Variants in IQCN observed in about 807,000 individuals in gnomAD.
IQCN encodes the protein IQ motif containing N.
A neutral mutation model predicts 64.4 loss-of-function variants in IQCN; 46 were observed. The observed-to-expected ratio is 0.71, with a 90% CI of 0.56 to 0.91. The LOEUF (loss-of-function observed/expected upper bound fraction) is 0.91. Ranked by LOEUF, IQCN falls within the 40% of genes least tolerant of loss-of-function variation. The pLI, the probability that IQCN is intolerant of heterozygous loss-of-function variation, is 0.00. For missense variants in IQCN, 1,753 were observed against 1,857.4 expected, an observed-to-expected ratio of 0.94 and a Z score of 1.03; for synonymous variants, 733 against 775.6, an observed-to-expected ratio of 0.95 and a Z score of 0.91.
intron 3 of IQCN, chr19:18,260,520 G>T (rs901790241): frequency 6.6e-6 from 1 of 152,530 alleles, no homozygotes; most frequent in African/African-American, 2.4e-5. Context: ...CCTAGTGTCC[G>T]GGGGTGACTG....
intron 3 of IQCN, chr19:18,260,115 TGA>T (rs1019965138): frequency 6.6e-6 from 1 of 152,496 alleles, no homozygotes; most frequent in Non-Finnish European, 1.5e-5. Context: ...CTCATCAGCA[TGA>T]GAGAGATTTG....
Position 18,257,337 on chromosome 19 carries a change from A to G in IQCN, c.3947T>C (p.Ile1316Thr). Residue 1316 changes from isoleucine to threonine, a missense_variant, in exon 4 of 4, where the codon ATC (isoleucine) becomes ACC (threonine). Ile to Thr is a moderately conservative substitution (Grantham distance 89, BLOSUM62 -1). Transcript: ENST00000392413. Reference sequence around the variant, plus strand: ...TTGCTGCTGCCTCATCTGCTGGCGGATCTTAAAGCCCCTCCAGGCGGACTG... The same window carrying G: ...TTGCTGCTGCCTCATCTGCTGGCGGGTCTTAAAGCCCCTCCAGGCGGACTG... The part of the protein sequence containing the change: ...AIQSAWRGFK[I>T]RQQMRQQQMA... 6.2e-7 allele frequency: 1 copy of G among 1,613,092 alleles called. No individual in the cohort carries two copies. The highest frequency in any genetic ancestry group is 1.1e-5 in the South Asian group (1 of 91,068).
At position 18,266,161 on chromosome 19, in the gene IQCN, A is replaced by C; in HGVS notation, c.1379T>G (p.Val460Gly). 6.2e-7 allele frequency: 1 copy of C among 1,613,914 alleles called. No individual in the cohort carries two copies. The highest frequency in any genetic ancestry group is 8.5e-7 in the Non-Finnish European group (1 of 1,179,992). ...CAATGGGTTTTTGGCTGGGGTGGTGACCGGGTGCATCTGGGGTGGGGTCTT... is the reference window on the plus strand; with the variant it reads ...CAATGGGTTTTTGGCTGGGGTGGTGCCCGGGTGCATCTGGGGTGGGGTCTT... ...MAKTPPQMHPVTTPAKNPLQT... is the reference protein window; with the variant it reads ...MAKTPPQMHPGTTPAKNPLQT... Residue 460 changes from valine (V) to glycine (G), a missense_variant, in exon 3 of 4, where the codon GTC (valine) becomes GGC (glycine). By Grantham distance (109) the Val-to-Gly change is moderately radical (BLOSUM62 -3). Coordinates refer to ENST00000392413, the MANE Select transcript of IQCN (RefSeq NM_001145304.2). The surrounding 1 kb of genome is among the most constrained non-coding windows in gnomAD (Gnocchi z 4.3).
chr19:18,270,900 A>C (rs1199548776), intron 1 of IQCN, among the ~76,000 whole-genome samples: 1 of 149,394 alleles, frequency 6.7e-6, no homozygotes, highest in South Asian at 2.3e-4. Context: ...GAGGCCAGGC[A>C]TGGTGGCTCA....
rs775482181 is a variant in IQCN at position 18,267,353 on chromosome 19, C to G, written c.187G>C (p.Glu63Gln). Residue 63 changes from glutamate (E) to glutamine (Q), a missense_variant, in exon 3 of 4, where the codon GAG (glutamate) becomes CAG (glutamine). Coordinates refer to ENST00000392413, the MANE Select transcript of IQCN (RefSeq NM_001145304.2). ...TCGGCAGGCTGTTGCGGAAGATGCTCCTTGGACTTGAGGCCCTCGTGCTGG... is the reference window on the plus strand; with the variant it reads ...TCGGCAGGCTGTTGCGGAAGATGCTGCTTGGACTTGAGGCCCTCGTGCTGG... The part of the protein sequence containing the change: ...QPQHEGLKSK[E>Q]HLPQQPAEGK... 2.5e-6 allele frequency: 4 copies of G among 1,613,746 alleles called. No homozygotes were observed. In the South Asian group the frequency reaches 4.4e-5, roughly 18 times the overall value.
Position 18,265,538 on chromosome 19 carries a change from T to A in IQCN, c.2002A>T (p.Asn668Tyr), listed in dbSNP as rs1969543877. The change falls in exon 3 of 4, where the codon AAT becomes TAT. Residue 668 changes from asparagine (N) to tyrosine (Y), a missense_variant. Transcript: ENST00000392413. The surrounding 1 kb of genome is among the most constrained non-coding windows in gnomAD (Gnocchi z 4.7). ...GGTGGATGTCTCTGGGATGAGGCAT[T>A]GGTCAGTGGGGCAGCCAGCTGTCCC... ...PRGQLAAPLT[N>Y]ASSQRHPPCL... The A allele has an allele frequency of 6.2e-7, 1 of 1,611,854 alleles. No homozygotes were observed. The highest frequency in any genetic ancestry group is 1.1e-5 in the South Asian group (1 of 90,998).
chr19:18,259,476 C>T (rs1360509163), intron 3 of IQCN: 1 of 152,272 alleles, frequency 6.6e-6, no homozygotes, highest in Non-Finnish European at 1.5e-5. Flanking sequence ...GGGAGCCACC[C>T]AACTGGACAC....
chr19:18,266,620 G>C lies in IQCN; in HGVS notation c.920C>G (p.Thr307Arg). Residue 307 changes from threonine (T) to arginine (R), a missense_variant, in exon 3 of 4, where the codon ACG (threonine) becomes AGG (arginine). Coordinates refer to ENST00000392413, the MANE Select transcript of IQCN (RefSeq NM_001145304.2). This position sits in a 1 kb window ranked among gnomAD's most constrained non-coding sequence, Gnocchi z 4.3. ...PLSRRYDQAV[T>R]RPSRAQTQGP... ...CTGGGTTTGGGCTCTGGATGGTCTCGTAACTGCCTGGTCATACCTTCTGGA... is the reference window on the plus strand; with the variant it reads ...CTGGGTTTGGGCTCTGGATGGTCTCCTAACTGCCTGGTCATACCTTCTGGA... 6.2e-7 allele frequency: 1 copy of C among 1,614,034 alleles called. No individual in the cohort carries two copies. Among genetic ancestry groups the C allele is most frequent in the Non-Finnish European group, 8.5e-7 (1 of 1,179,948 alleles).
intron 2 of IQCN, among the ~76,000 whole-genome samples, chr19:18,268,680 T>C (rs1969662301): frequency 6.6e-6 from 1 of 151,538 alleles, no homozygotes; most frequent in African/African-American, 2.4e-5. Flanking sequence ...TACAGAAAAG[T>C]AGGCCAGGCA....
At chr19:18,269,902 G>A (rs1969698619) in intron 1 of IQCN, among the ~76,000 whole-genome samples, 1 of 151,850 alleles carries the variant, frequency 6.6e-6, no homozygotes, top group Non-Finnish European at 1.5e-5. Flanking sequence ...ATCATACAAG[G>A]GCATGATATC....
chr19:18,267,550 C>T (rs772737816), intron 2 of IQCN, 24 bp from the exon 3 acceptor site: 125 of 1,503,640 alleles, frequency 8.3e-5, no homozygotes, highest in Admixed American at 6.0e-4. Flanking sequence ...AGGGGGTGGT[C>T]AGGGTGTAGC....
At position 18,257,308 on chromosome 19, in the gene IQCN, C is replaced by A. The variant is rs753892078; in HGVS notation, c.3976G>T (p.Ala1326Ser). Residue 1326 changes from alanine to serine, a missense_variant, in exon 4 of 4, where the codon GCA (alanine) becomes TCA (serine). Ala to Ser is a moderately conservative substitution (Grantham distance 99). Coordinates refer to ENST00000392413, the MANE Select transcript of IQCN (RefSeq NM_001145304.2). Reference sequence around the variant, plus strand: ...CAGGTGGCTTGAACTATCTTCGCTGCCATTTGCTGCTGCCTCATCTGCTGG... The same window carrying A: ...CAGGTGGCTTGAACTATCTTCGCTGACATTTGCTGCTGCCTCATCTGCTGG... ...IRQQMRQQQM[A>S]AKIVQATWRG... 2 of 1,613,426 alleles carry A rather than the reference C, an allele frequency of 1.2e-6. No homozygotes were observed. Among genetic ancestry groups the A allele is most frequent in the Non-Finnish European group, 1.7e-6 (2 of 1,180,006 alleles).
chr19:18,263,601 A>G (rs1969478075), intron 3 of IQCN, among the ~76,000 whole-genome samples: 1 of 151,964 alleles, frequency 6.6e-6, no homozygotes, highest in South Asian at 2.1e-4. Flanking sequence ...CCCCTTGTCT[A>G]TCACCTCCCT....
chr19:18,272,106 C>T (rs929091432), intron 1 of IQCN, among the ~76,000 whole-genome samples: 19 of 150,154 alleles, frequency 1.3e-4, no homozygotes, highest in Non-Finnish European at 2.4e-4. Context: ...GGATTACAGG[C>T]GTGAGCCACC....
chr19:18,257,123 AGACCCAGAGAGCCATG>A lies in IQCN; in HGVS notation c.*41_*56del, dbSNP rs752133684. On this transcript the variant is annotated 3_prime_UTR_variant, in exon 4 of 4. Transcript: ENST00000392413. Reference sequence around the variant, plus strand: ...TAGGCTGTGGAGGACTTTATTCATTAGACCCAGAGAGCCATGAGTGCCTCCCACGAAGTCCCCACTG... The same window carrying A: ...TAGGCTGTGGAGGACTTTATTCATTAAGTGCCTCCCACGAAGTCCCCACTG... The A allele has an allele frequency of 4.5e-6, 7 of 1,551,410 alleles. No individual in the cohort carries two copies. The highest frequency in any genetic ancestry group is 5.3e-6 in the Non-Finnish European group (6 of 1,137,384).
At position 18,265,101 on chromosome 19, in the gene IQCN, C is replaced by T. The variant is rs151309919; in HGVS notation, c.2439G>A (p.Pro813=). The T allele has an allele frequency of 2.8e-5, 45 of 1,602,772 alleles. No individual in the cohort carries two copies. The East Asian group carries it at 7.1e-4, about 25-fold the overall frequency. Residue 813 remains proline (P), a synonymous_variant, in exon 3 of 4, where the codon CCG becomes CCA. Transcript: ENST00000392413. The surrounding 1 kb of genome is among the most constrained non-coding windows in gnomAD (Gnocchi z 4.7). ...ATGGTCCCCCCTGAGTGGTCTTCCC[C>T]GGCACGTGTCCGTGGGGCTGTGGCT... ...QTQPQPHGHV[P]GKTTQGGPCP...
intron 3 of IQCN, chr19:18,260,702 G>A (rs766452708): frequency 6.5e-6 from 1 of 152,912 alleles, no homozygotes; most frequent in Admixed American, 6.5e-5. Context: ...GAGATGGGTG[G>A]GCTAGGCTGG....
Position 18,265,198 on chromosome 19 carries a change from G to C in IQCN, c.2342C>G (p.Ser781Cys), listed in dbSNP as rs368056732. ...SQVLLTGSKV[S>C]NHACQRLGGL... is the part of the protein sequence containing the mutation. ...ACCGAGGCGCTGGCAGGCGTGGTTGGACACCTTGGACCCTGTTAGGAGCAC... is the reference window on the plus strand; with the variant it reads ...ACCGAGGCGCTGGCAGGCGTGGTTGCACACCTTGGACCCTGTTAGGAGCAC... The change falls in exon 3 of 4, where the codon TCC becomes TGC. Residue 781 changes from serine (S) to cysteine (C), a missense_variant. By Grantham distance (112) the Ser-to-Cys change is moderately radical. Coordinates refer to ENST00000392413, the MANE Select transcript of IQCN (RefSeq NM_001145304.2). The surrounding 1 kb of genome is among the most constrained non-coding windows in gnomAD (Gnocchi z 4.7). The C allele has an allele frequency of 3.5e-5, 57 of 1,611,090 alleles. No individual in the cohort carries two copies. The highest frequency in any genetic ancestry group is 1.6e-4 in the Middle Eastern group (1 of 6,080).
rs1969689051 is a variant in IQCN, at chr19:18,269,535, G to C, written c.-57C>G. The stretch of plus-strand genomic sequence containing the variant: ...CAATCTCAGAAGCCAGCCTGCAAGA[G>C]GAGGCAGCCTTCAGCCTTTCATCCA... On this transcript the variant is annotated 5_prime_UTR_variant, in exon 2 of 4. Coordinates refer to ENST00000392413, the MANE Select transcript of IQCN (RefSeq NM_001145304.2). 2 of 1,599,754 alleles carry C rather than the reference G, an allele frequency of 1.3e-6. No homozygotes were observed. Among genetic ancestry groups the C allele is most frequent in the Non-Finnish European group, 1.7e-6 (2 of 1,167,756 alleles).
Sources: gnomAD v4.1 joint callset for allele counts (sites outside exome capture counted in the v4.1 genomes callset) on GRCh38, gnomAD v4.1.1 for gene constraint, Gnocchi (gnomAD v3.1) non-coding constraint, MANE v1.5 for transcripts, NCBI Gene and HGNC (gene_info 2026-07-23, HGNC 2026-07-21) for gene names.